RAB1A: variants seen among roughly 807,000 people sequenced by gnomAD.
RAB1A encodes ras-related protein Rab-1A.
In RAB1A, 2 loss-of-function variants were observed where a neutral mutation model predicts 26.0. The ratio of observed to expected loss-of-function variants is 0.08; its 90% CI spans 0.03 to 0.24. The LOEUF is 0.24. RAB1A is among the 10% of genes least tolerant of loss of function. The pLI, the probability that RAB1A is intolerant of heterozygous loss-of-function variation, is 1.00. For synonymous variants in RAB1A, 84 were observed against 84.9 expected, an observed-to-expected ratio of 0.99 and a Z score of 0.06; for missense variants, 100 against 247.0, an observed-to-expected ratio of 0.40 and a Z score of 3.99.
At chr2:65,122,840 G>A (rs550039845) in intron 1 of RAB1A, among the ~76,000 whole-genome samples, 31 of 151,604 alleles carry the variant, frequency 2.0e-4, no homozygotes, top group African/African-American at 4.4e-4. Flanking sequence ...GCCTGGCGGC[G>A]GGCACCTGTA....
chr2:65,129,375 C>G (rs1670183282), intron 1 of RAB1A, among the ~76,000 whole-genome samples: 1 of 152,088 alleles, frequency 6.6e-6, no homozygotes, highest in Non-Finnish European at 1.5e-5. Context: ...CGAAAAGCAT[C>G]CATATTACCT....
intron 1 of RAB1A, among the ~76,000 whole-genome samples, chr2:65,119,714 A>T (rs1669911709): frequency 6.6e-6 from 1 of 151,650 alleles, no homozygotes; most frequent in Non-Finnish European, 1.5e-5. Context: ...GTTAGTAGAG[A>T]ATAAGCTCAG....
intron 2 of RAB1A, among the ~76,000 whole-genome samples, chr2:65,100,893 C>G (rs1413842176): frequency 6.6e-6 from 1 of 152,020 alleles, no homozygotes. Flanking sequence ...CGCCTGTAAT[C>G]CCAGCACTTT....
intron 1 of RAB1A, among the ~76,000 whole-genome samples, chr2:65,124,621 T>C (rs1573094070): frequency 1.3e-5 from 2 of 152,082 alleles, no homozygotes; most frequent in East Asian, 3.9e-4. Flanking sequence ...TTAATTTTTC[T>C]ATGCTTAGTA....
chr2:65,116,545 C>T (rs1187390686), intron 1 of RAB1A, among the ~76,000 whole-genome samples: 3 of 152,224 alleles, frequency 2.0e-5, no homozygotes, highest in African/African-American at 7.2e-5. Flanking sequence ...GTTTCTGAAA[C>T]ATCTAGCACA....
At chr2:65,109,326 T>C (rs1476507810) in intron 1 of RAB1A, among the ~76,000 whole-genome samples, 1 of 152,196 alleles carries the variant, frequency 6.6e-6, no homozygotes, top group Non-Finnish European at 1.5e-5. Flanking sequence ...TCATTCCTCA[T>C]GAATTTGGAT....
At chr2:65,089,922 C>CT (rs1227643733) in intron 4 of RAB1A, among the ~76,000 whole-genome samples, 3 of 152,162 alleles carry the variant, frequency 2.0e-5, no homozygotes, top group Non-Finnish European at 2.9e-5. Context: ...AGGCTAGTCT[C>CT]TAACTCCTGA....
At chr2:65,111,233 A>G (rs1009524709) in intron 1 of RAB1A, among the ~76,000 whole-genome samples, 2 of 152,038 alleles carry the variant, frequency 1.3e-5, no homozygotes, top group Non-Finnish European at 2.9e-5. Context: ...GTGGTGGCAC[A>G]TGCCTGTAGT....
intron 1 of RAB1A, among the ~76,000 whole-genome samples, chr2:65,115,784 A>C (rs985540638): frequency 6.6e-6 from 1 of 152,154 alleles, no homozygotes; most frequent in Non-Finnish European, 1.5e-5. Flanking sequence ...CTAAAATTAC[A>C]TGTTTTTCTT....
chr2:65,110,540 T>C (rs1022452907), intron 1 of RAB1A, among the ~76,000 whole-genome samples: 1 of 151,856 alleles, frequency 6.6e-6, no homozygotes, highest in Non-Finnish European at 1.5e-5. Context: ...CATGAATTCA[T>C]AGCAGTATAA....
At chr2:65,102,431 A>C (rs182888101) in intron 2 of RAB1A, among the ~76,000 whole-genome samples, 1 of 152,086 alleles carries the variant, frequency 6.6e-6, no homozygotes, top group African/African-American at 2.4e-5. Context: ...CAGAAAAGTC[A>C]TATGTATTTA....
chr2:65,107,835 G>A (rs991578647), intron 1 of RAB1A, among the ~76,000 whole-genome samples: 3 of 152,122 alleles, frequency 2.0e-5, no homozygotes, highest in African/African-American at 7.2e-5. Context: ...GCTAGGCGTA[G>A]TGGCTCATGC....
intron 4 of RAB1A, among the ~76,000 whole-genome samples, chr2:65,090,575 C>A (rs562366175): frequency 1.7e-4 from 26 of 152,192 alleles, no homozygotes; most frequent in African/African-American, 5.3e-4. Flanking sequence ...AGGCAGAGAC[C>A]CCCGAATCCC....
intron 1 of RAB1A, among the ~76,000 whole-genome samples, chr2:65,127,328 T>A (rs1014354165): frequency 1.3e-5 from 2 of 152,162 alleles, no homozygotes; most frequent in African/African-American, 2.4e-5. Context: ...CTATAAAGTC[T>A]TCCAAAACCC....
intron 1 of RAB1A, 99 bp downstream of exon 1, chr2:65,129,794 C>G (rs1484230241): frequency 2.0e-6 from 3 of 1,534,890 alleles, no homozygotes; most frequent in Admixed American, 2.0e-5. Flanking sequence ...CGCCTCACCC[C>G]AGCCGATGCC....
At chr2:65,124,182 T>C (rs1161222323) in intron 1 of RAB1A, among the ~76,000 whole-genome samples, 2 of 152,150 alleles carry the variant, frequency 1.3e-5, no homozygotes, top group African/African-American at 4.8e-5. Flanking sequence ...AGGCAGGGTT[T>C]CACCACATTG....
Position 65,123,370 on chromosome 2 carries a change from G to A in RAB1A, c.23+6523C>T, listed in dbSNP as rs183205026. On this transcript the variant is annotated intron_variant, in intron 1 of 5. Transcript: ENST00000409784. ...TATTTTTAGTAGATGGGGTTTCACC[G>A]TGTTAGCCAGGATGGTCTCGATCTC... Among the ~76,000 whole-genome samples the A allele has an allele frequency of 5.6e-3, 853 of 151,684 alleles. 10 individuals are homozygous for A. The highest frequency in any genetic ancestry group is 0.019 in the African/African-American group (798 of 41,384).
rs1429476755 is a variant in RAB1A at position 65,130,090 on chromosome 2, T to C, written c.-175A>G. ...ATCAGCAGCCGCCGCCACTCAGCTATCGCTTCCACCCAAAATGGCCGCCGG... is the reference window on the plus strand; with the variant it reads ...ATCAGCAGCCGCCGCCACTCAGCTACCGCTTCCACCCAAAATGGCCGCCGG... On this transcript the variant is annotated 5_prime_UTR_variant, in exon 1 of 6. Transcript: ENST00000409784. The C allele has an allele frequency of 2.6e-6, 2 of 763,154 alleles. No individual in the cohort carries two copies. Among genetic ancestry groups the C allele is most frequent in the African/African-American group, 1.7e-5 (1 of 58,146 alleles). 47.3% of individuals were successfully genotyped at this position (763,154 alleles called of 1,614,324 possible).
chr2:65,110,715 C>T (rs573958059), intron 1 of RAB1A, among the ~76,000 whole-genome samples: 1 of 151,914 alleles, frequency 6.6e-6, no homozygotes, highest in Non-Finnish European at 1.5e-5. Context: ...AGAAGGATCA[C>T]ATGAGGCCAG....
Sources: gnomAD v4.1 joint callset for allele counts (sites outside exome capture counted in the v4.1 genomes callset) on GRCh38, gnomAD v4.1.1 for gene constraint, MANE v1.5 for transcripts, NCBI Gene and HGNC (gene_info 2026-07-23, HGNC 2026-07-21) for gene names.